LTBP1: variants seen among roughly 807,000 people sequenced by gnomAD.
LTBP1 encodes latent transforming growth factor beta binding protein 1, also known as latent-transforming growth factor beta-binding protein 1.
In LTBP1, 129 loss-of-function variants were observed where a neutral mutation model predicts 207.6. The ratio of observed to expected loss-of-function variants is 0.62; its 90% CI spans 0.54 to 0.72. The LOEUF (loss-of-function observed/expected upper bound fraction) is 0.72. LTBP1 is among the 30% of genes least tolerant of loss of function. LTBP1 has a pLI of 0.00. For synonymous variants in LTBP1, 963 were observed against 833.7 expected, an observed-to-expected ratio of 1.16 and a Z score of -2.67; for missense variants, 2,281 against 2,217.2, an observed-to-expected ratio of 1.03 and a Z score of -0.58.
At chr2:33,338,423 A>C (rs976369460) in intron 24 of LTBP1, among the ~76,000 whole-genome samples, 1 of 152,228 alleles carries the variant, frequency 6.6e-6, no homozygotes, top group Non-Finnish European at 1.5e-5. Context: ...TCTGGACTGA[A>C]AAGCCACCAG....
At chr2:33,017,703 G>A (rs1293099785) in intron 2 of LTBP1, among the ~76,000 whole-genome samples, 4 of 152,204 alleles carry the variant, frequency 2.6e-5, no homozygotes, top group East Asian at 3.9e-4. Context: ...TGCAAGCTCC[G>A]CCTCCTGGGT....
intron 3 of LTBP1, among the ~76,000 whole-genome samples, chr2:33,042,834 AT>A (rs529906064): frequency 2.0e-5 from 3 of 152,326 alleles, no homozygotes. Flanking sequence ...TTTTAAAAAA[AT>A]ATTTGGCTGA....
intron 2 of LTBP1, among the ~76,000 whole-genome samples, chr2:32,999,829 A>G (rs1685829765): frequency 7.5e-6 from 1 of 133,318 alleles, no homozygotes; most frequent in Non-Finnish European, 1.6e-5. Context: ...AAAGATCCAG[A>G]GGGAAAAGTT....
intron 2 of LTBP1, among the ~76,000 whole-genome samples, chr2:33,013,807 G>A (rs1303373118): frequency 6.6e-6 from 1 of 152,162 alleles, no homozygotes; most frequent in African/African-American, 2.4e-5. Flanking sequence ...CTTAGGTTTA[G>A]AAAACTTCAA....
chr2:33,280,062 A>C lies in LTBP1; in HGVS notation c.3016A>C (p.Ser1006Arg), dbSNP rs755107978. ...CEDIDECLNP[S>R]TCPDEQCVNS... The stretch of plus-strand genomic sequence containing the variant: ...AGATATTGATGAATGTTTGAATCCA[A>C]GCACTTGTCCAGATGAGCAGTGTGT... The change falls in exon 19 of 34, where the codon AGC becomes CGC. Residue 1006 changes from serine to arginine, a missense_variant. Coordinates refer to ENST00000404816, the MANE Select transcript of LTBP1 (RefSeq NM_206943.4). 1.6e-5 allele frequency: 26 copies of C among 1,613,996 alleles called. No individual in the cohort carries two copies. The highest frequency in any genetic ancestry group is 8.0e-5 in the African/African-American group (6 of 74,930).
rs866605552 is a variant in LTBP1, at chr2:33,188,834, G to T, written c.1684G>T (p.Glu562Ter). The T allele has an allele frequency of 6.2e-7, 1 of 1,614,052 alleles. No individual in the cohort carries two copies. Among genetic ancestry groups the T allele is most frequent in the Non-Finnish European group, 8.5e-7 (1 of 1,180,010 alleles). ...AKTQLGRCFQ[E>*]TIGSQCGKAL... is the part of the protein sequence containing the mutation. ...GACACAGCTTGGCCGGTGCTTCCAGGAAACCATTGGGTCACAGGTAAACAT... is the reference window on the plus strand; with the variant it reads ...GACACAGCTTGGCCGGTGCTTCCAGTAAACCATTGGGTCACAGGTAAACAT... Residue 562 changes from glutamate (E) to a stop codon, truncating the protein, a stop_gained, in exon 7 of 34, where the codon GAA becomes TAA. Coordinates refer to ENST00000404816, the MANE Select transcript of LTBP1 (RefSeq NM_206943.4). LOFTEE classifies it high-confidence loss of function.
chr2:32,951,261 T>G (rs958955272), intron 2 of LTBP1, among the ~76,000 whole-genome samples: 9 of 152,254 alleles, frequency 5.9e-5, no homozygotes, highest in Admixed American at 3.9e-4. Flanking sequence ...TTAACCTTCC[T>G]GTACTTCCCA....
chr2:32,955,631 T>A (rs1407306231), intron 2 of LTBP1, among the ~76,000 whole-genome samples: 1 of 26,660 alleles, frequency 3.8e-5, no homozygotes, highest in East Asian at 4.1e-4. Context: ...TTTCCACAAA[T>A]TTTTTTTAAT....
intron 12 of LTBP1, among the ~76,000 whole-genome samples, chr2:33,258,901 C>T (rs2092935470): frequency 6.6e-6 from 1 of 152,132 alleles, no homozygotes; most frequent in South Asian, 2.1e-4. Context: ...ATATGAAGGA[C>T]TGATTAATGA....
chr2:33,133,343 G>T (rs1308332491), intron 4 of LTBP1, among the ~76,000 whole-genome samples: 1 of 152,088 alleles, frequency 6.6e-6, no homozygotes, highest in African/African-American at 2.4e-5. Context: ...AAAAAGGCTG[G>T]CCCAGAGCCT....
At chr2:33,090,454 T>G (rs974758678) in intron 3 of LTBP1, among the ~76,000 whole-genome samples, 1 of 152,166 alleles carries the variant, frequency 6.6e-6, no homozygotes, top group Non-Finnish European at 1.5e-5. Flanking sequence ...AAGTGTAGTT[T>G]CTTGTGAAAA....
intron 3 of LTBP1, among the ~76,000 whole-genome samples, chr2:33,103,982 A>G (rs2079908232): frequency 6.6e-6 from 1 of 152,102 alleles, no homozygotes; most frequent in Non-Finnish European, 1.5e-5. Context: ...GGAACGGGTT[A>G]GATTGTGTTG....
intron 9 of LTBP1, among the ~76,000 whole-genome samples, chr2:33,222,379 G>C (rs2091166820): frequency 6.6e-6 from 1 of 152,194 alleles, no homozygotes; most frequent in South Asian, 2.1e-4. Flanking sequence ...AAAGAGTTTG[G>C]ATAGAATTTA....
chr2:33,224,403 T>C (rs2091313571), intron 9 of LTBP1, among the ~76,000 whole-genome samples: 1 of 152,218 alleles, frequency 6.6e-6, no homozygotes, highest in African/African-American at 2.4e-5. Context: ...ATGGATAAAA[T>C]ATACATATGT....
At chr2:33,236,467 A>G (rs987596332) in intron 9 of LTBP1, among the ~76,000 whole-genome samples, 1 of 152,238 alleles carries the variant, frequency 6.6e-6, no homozygotes, top group African/African-American at 2.4e-5. Context: ...ACCCTATTTC[A>G]GCATTTGCAA....
At chr2:33,201,582 A>G (rs61027556) in intron 7 of LTBP1, among the ~76,000 whole-genome samples, 11 of 152,198 alleles carry the variant, frequency 7.2e-5, no homozygotes, top group African/African-American at 1.9e-4. Context: ...TACATATGTA[A>G]CTAACCTGCA....
intron 2 of LTBP1, among the ~76,000 whole-genome samples, chr2:32,972,810 T>C (rs914384114): frequency 6.6e-5 from 10 of 152,176 alleles, no homozygotes; most frequent in Non-Finnish European, 1.5e-4. Flanking sequence ...CCCCTTCACT[T>C]TCTGTCATAA....
At chr2:33,139,912 T>A (rs1485387195) in intron 5 of LTBP1, among the ~76,000 whole-genome samples, 2 of 152,246 alleles carry the variant, frequency 1.3e-5, no homozygotes, top group African/African-American at 4.8e-5. Context: ...CACCTTGAAT[T>A]TCAAGCTTAG....
At chr2:33,130,013 A>G (rs2081674031) in intron 4 of LTBP1, among the ~76,000 whole-genome samples, 1 of 152,240 alleles carries the variant, frequency 6.6e-6, no homozygotes, top group Non-Finnish European at 1.5e-5. Flanking sequence ...TGAGGAACAC[A>G]GAGCAGTCTA....
Sources: gnomAD v4.1 joint callset for allele counts (sites outside exome capture counted in the v4.1 genomes callset) on GRCh38, gnomAD v4.1.1 for gene constraint, MANE v1.5 for transcripts, NCBI Gene and HGNC (gene_info 2026-07-23, HGNC 2026-07-21) for gene names.